Variants in ATPAF1 observed in about 807,000 individuals in gnomAD.
ATPAF1 encodes homolog of yeast ATP11.
A neutral mutation model predicts 43.9 loss-of-function variants in ATPAF1; 26 were observed. The observed-to-expected ratio is 0.59, with a 90% confidence interval of 0.43 to 0.82. ATPAF1 has a LOEUF of 0.82. Ranked by LOEUF, ATPAF1 falls within the 40% of genes least tolerant of loss-of-function variation. The pLI, the probability that ATPAF1 is intolerant of heterozygous loss-of-function variation, is 0.00. For missense variants in ATPAF1, 366 were observed against 435.0 expected (o/e 0.84, Z 1.41); for synonymous variants, 157 against 168.0 (o/e 0.93, Z 0.50).
At chr1:46,637,563 A>G (rs1675866368) in intron 8 of ATPAF1, among the ~76,000 whole-genome samples, 1 of 152,172 alleles carries the variant, frequency 6.6e-6, no homozygotes, top group Non-Finnish European at 1.5e-5. Flanking sequence ...CCAAAAGGTC[A>G]TGGAAAATTC....
At chr1:46,647,305 T>C (rs1474742950) in intron 6 of ATPAF1, among the ~76,000 whole-genome samples, 2 of 152,162 alleles carry the variant, frequency 1.3e-5, no homozygotes, top group African/African-American at 4.8e-5. Flanking sequence ...GACATTCCCG[T>C]CTGTAAGTTC....
intron 2 of ATPAF1, among the ~76,000 whole-genome samples, chr1:46,659,984 T>C (rs1032624948): frequency 1.3e-5 from 2 of 151,730 alleles, no homozygotes; most frequent in African/African-American, 4.8e-5. Flanking sequence ...TCTTTCTTTT[T>C]TTTTTTTTTT....
chr1:46,652,829 T>C (rs1408337039), intron 5 of ATPAF1, among the ~76,000 whole-genome samples: 1 of 152,172 alleles, frequency 6.6e-6, no homozygotes, highest in Admixed American at 6.5e-5. Context: ...GTCAGAATTA[T>C]GTGTAAAGAC....
intron 1 of ATPAF1, among the ~76,000 whole-genome samples, chr1:46,667,232 TGGAAG>T (rs386630911): frequency 0.011 from 1,618 of 152,304 alleles, 22 homozygotes; most frequent in African/African-American, 0.037. Context: ...ATTAAGGCAG[TGGAAG>T]TAGAGATGAG....
Position 46,668,265 on chromosome 1 carries a change from C to T in ATPAF1, c.58G>A (p.Ala20Thr). Residue 20 changes from alanine (A) to threonine (T), a missense_variant, in exon 1 of 9, where the codon GCC becomes ACC. This residue lies in a region of ATPAF1 where 186 missense variants were observed against 168.5 expected (regional missense o/e 1.10). Transcript: ENST00000574428. This position sits in a 1 kb window ranked among gnomAD's most constrained non-coding sequence, Gnocchi z 4.4. Reference sequence around the variant, plus strand: ...GCGCACAGGCCCCGGTAGAGACCGGCCACCTGCAGGACCGCCGGTCCCGCG... The same window carrying T: ...GCGCACAGGCCCCGGTAGAGACCGGTCACCTGCAGGACCGCCGGTCCCGCG... 1.4e-6 allele frequency: 2 copies of T among 1,389,648 alleles called. No homozygotes were observed. The highest frequency in any genetic ancestry group is 1.9e-6 in the Non-Finnish European group (2 of 1,068,150). 86.1% of individuals were successfully genotyped at this position (1,389,648 alleles called of 1,614,324 possible). A position where few individuals can be genotyped will look rare whatever the true frequency, so the allele number is the denominator to read the frequency against.
chr1:46,641,565 C>G (rs372247773), intron 8 of ATPAF1, among the ~76,000 whole-genome samples: 13 of 152,274 alleles, frequency 8.5e-5, no homozygotes, highest in African/African-American at 3.1e-4. Flanking sequence ...TCTCTTAAGT[C>G]TACTCCAATC....
intron 6 of ATPAF1, among the ~76,000 whole-genome samples, chr1:46,648,813 T>C (rs1676105833): frequency 6.6e-6 from 1 of 151,922 alleles, no homozygotes; most frequent in South Asian, 2.1e-4. Flanking sequence ...ACCCTGTCTC[T>C]ACTAAAAACA....
At chr1:46,633,068 A>C (rs1675778322), downstream of ATPAF1, 1 of 152,666 alleles carries the variant, frequency 6.6e-6, no homozygotes, top group Non-Finnish European at 1.5e-5. Context: ...CATCAGAATC[A>C]TTTGGAGCAC....
intron 2 of ATPAF1, chr1:46,664,650 T>G (rs1399173180): frequency 6.6e-6 from 1 of 152,382 alleles, no homozygotes; most frequent in Non-Finnish European, 1.5e-5. Context: ...TGGGGGTGGG[T>G]TGGCAGGGTT....
intron 1 of ATPAF1, among the ~76,000 whole-genome samples, chr1:46,667,535 C>T (rs1676511359): frequency 6.6e-6 from 1 of 152,132 alleles, no homozygotes; most frequent in Admixed American, 6.5e-5. Context: ...CTCTTACTCT[C>T]GCTGATCCTC....
chr1:46,647,211 T>C (rs1016078526), intron 6 of ATPAF1, among the ~76,000 whole-genome samples: 6 of 152,208 alleles, frequency 3.9e-5, no homozygotes, highest in African/African-American at 1.4e-4. Context: ...TTCCAGAGCA[T>C]GTATACTTTC....
Position 46,668,294 on chromosome 1 carries a change from C to T in ATPAF1, c.29G>A (p.Gly10Asp), listed in dbSNP as rs1366425446. Reference sequence around the variant, plus strand: ...CTGCAGGACCGCCGGTCCCGCGCCACCCGCAGCCGCCACCACCACAGCAGC... The same window carrying T: ...CTGCAGGACCGCCGGTCCCGCGCCATCCGCAGCCGCCACCACCACAGCAGC... Residue 10 changes from glycine to aspartate, a missense_variant, in exon 1 of 9, where the codon GGT becomes GAT. By Grantham distance (94) the Gly-to-Asp change is moderately conservative. This residue lies in a region of ATPAF1 where 186 missense variants were observed against 168.5 expected (regional missense o/e 1.10). Transcript: ENST00000574428. This position sits in a 1 kb window ranked among gnomAD's most constrained non-coding sequence, Gnocchi z 4.4. 2 of 1,381,794 alleles carry T rather than the reference C, an allele frequency of 1.4e-6. No individual in the cohort carries two copies. Among genetic ancestry groups the T allele is most frequent in the South Asian group, 1.6e-5 (1 of 64,018 alleles). 85.6% of individuals were successfully genotyped at this position (1,381,794 alleles called of 1,614,324 possible). A position where few individuals can be genotyped will look rare whatever the true frequency, so the allele number is the denominator to read the frequency against.
At chr1:46,637,819 T>C (rs1202828048) in intron 8 of ATPAF1, among the ~76,000 whole-genome samples, 1 of 152,130 alleles carries the variant, frequency 6.6e-6, no homozygotes, top group Non-Finnish European at 1.5e-5. Flanking sequence ...CCAGTTCTCA[T>C]TTAATAGGCT....
intron 8 of ATPAF1, among the ~76,000 whole-genome samples, chr1:46,638,612 G>C (rs1675888140): frequency 8.2e-6 from 1 of 122,270 alleles, no homozygotes; most frequent in South Asian, 2.9e-4. Flanking sequence ...AAAAGAGCAA[G>C]ACTGTCTCCA....
At chr1:46,651,376 C>T (rs1676166831) in intron 6 of ATPAF1, among the ~76,000 whole-genome samples, 2 of 152,092 alleles carry the variant, frequency 1.3e-5, no homozygotes, top group East Asian at 1.9e-4. Context: ...ATATGTGCCA[C>T]ATTTTCTTAA....
In ATPAF1 at chr1:46,668,028, G is replaced by A; in HGVS notation, c.266+29C>T. On this transcript the variant is annotated intron_variant, in intron 1 of 8. Coordinates refer to ENST00000574428, the Ensembl canonical transcript of ATPAF1. This position sits in a 1 kb window ranked among gnomAD's most constrained non-coding sequence, Gnocchi z 4.4. ...CGGGCCGCCCCTCCTCCCGCCTCCT[G>A]CCCGCCTCCAGCCAACCCAGGCCCG... 2.3e-6 allele frequency: 3 copies of A among 1,327,722 alleles called. No individual in the cohort carries two copies. Among genetic ancestry groups the A allele is most frequent in the South Asian group, 4.2e-5 (2 of 48,112 alleles). 82.2% of individuals were successfully genotyped at this position (1,327,722 alleles called of 1,614,324 possible).
chr1:46,652,770 C>G (rs374179672), intron 5 of ATPAF1, 142 bp from the exon 6 acceptor site: 1 of 752,122 alleles, frequency 1.3e-6, no homozygotes. Context: ...TCAAATCACT[C>G]TTATGACAGA....
chr1:46,662,770 TTTTA>T (rs1676414915), intron 2 of ATPAF1, among the ~76,000 whole-genome samples: 1 of 151,868 alleles, frequency 6.6e-6, no homozygotes, highest in African/African-American at 2.4e-5. Flanking sequence ...CAATTAGTCA[TTTTA>T]TTTTATTTTT....
chr1:46,652,476 G>C, intron 6 of ATPAF1, 105 bp downstream of exon 6: 2 of 1,126,800 alleles, frequency 1.8e-6, no homozygotes, highest in South Asian at 2.9e-5. Flanking sequence ...TAAGTAAACA[G>C]AGCACTATAA....
Sources: allele counts gnomAD v4.1 joint callset (sites outside exome capture counted in the v4.1 genomes callset), GRCh38; gene constraint gnomAD v4.1.1; regional missense constraint gnomAD v4.1.1; non-coding constraint Gnocchi (gnomAD v3.1); transcripts MANE v1.5; gene names NCBI Gene and HGNC (gene_info 2026-07-23, HGNC 2026-07-21).